ANKRD6: variants seen among roughly 807,000 people sequenced by gnomAD.
The protein encoded by ANKRD6 is ankyrin repeat domain-containing protein 6.
ANKRD6 carries 56 observed loss-of-function variants against 82.3 expected under a neutral mutation model. The ratio of observed to expected loss-of-function variants is 0.68; its 90% CI spans 0.55 to 0.85. The LOEUF (loss-of-function observed/expected upper bound fraction) is 0.85. Ranked by LOEUF, ANKRD6 falls within the 40% of genes least tolerant of loss-of-function variation. The pLI, the probability that ANKRD6 is intolerant of heterozygous loss-of-function variation, is 0.00. For synonymous variants in ANKRD6, 347 were observed against 352.1 expected (o/e 0.99, Z 0.16); for missense variants, 852 against 907.6 (o/e 0.94, Z 0.79).
chr6:89,618,251 G>A lies in ANKRD6; in HGVS notation c.792+220G>A, dbSNP rs566558709. ...GCCTGGGCCGCCTCATCTTCTCCCT[G>A]TGGCTGGATCTTTGTCACGGCCAGC... is the stretch of plus-strand genomic sequence containing the variant. On this transcript the variant is annotated intron_variant, in intron 9 of 15. Transcript: ENST00000339746. 1.9e-4 allele frequency: 132 copies of A among 687,562 alleles called. 4 individuals are homozygous for A. The South Asian group carries it at 2.0e-3, about 10-fold the overall frequency. The allele number at this position is 687,562 out of a possible 1,614,324, so 42.6% of individuals were successfully genotyped here.
At chr6:89,483,893 CCTCTCTCTCTCTGTCTCT>C (rs1207389838) in intron 1 of ANKRD6, among the ~76,000 whole-genome samples, 1 of 151,798 alleles carries the variant, frequency 6.6e-6, no homozygotes, top group Non-Finnish European at 1.5e-5. Flanking sequence ...CTGTAGTCCT[CCTCTCTCTCTCTGTCTCT>C]CTCTCTCTCT....
chr6:89,568,444 C>CT (rs1789034270), intron 2 of ANKRD6: 1 of 152,082 alleles, frequency 6.6e-6, no homozygotes, highest in Non-Finnish European at 1.5e-5. Flanking sequence ...TTATAAACAG[C>CT]TTTATTAAGA....
chr6:89,575,610 T>A (rs1394744676), intron 2 of ANKRD6, among the ~76,000 whole-genome samples: 1 of 152,112 alleles, frequency 6.6e-6, no homozygotes, highest in Non-Finnish European at 1.5e-5. Flanking sequence ...TAAAAAAAAA[T>A]AAGCGATTTC....
chr6:89,562,861 T>C (rs1308022193), intron 1 of ANKRD6: 5 of 152,202 alleles, frequency 3.3e-5, no homozygotes, highest in Admixed American at 2.0e-4. Context: ...ATCCAGAAAC[T>C]GAACACGATG....
chr6:89,481,784 T>G (rs1425774310), intron 1 of ANKRD6, among the ~76,000 whole-genome samples: 1 of 152,116 alleles, frequency 6.6e-6, no homozygotes, highest in Non-Finnish European at 1.5e-5. Flanking sequence ...GTGGTACTAT[T>G]GGCAGTGCTG....
intron 1 of ANKRD6, among the ~76,000 whole-genome samples, chr6:89,525,748 A>T (rs1782418607): frequency 6.6e-6 from 1 of 152,054 alleles, no homozygotes; most frequent in African/African-American, 2.4e-5. Flanking sequence ...CATATATCTC[A>T]TGTTCACTTT....
chr6:89,584,916 A>G (rs890816137), intron 2 of ANKRD6, among the ~76,000 whole-genome samples: 11 of 151,948 alleles, frequency 7.2e-5, no homozygotes, highest in African/African-American at 2.7e-4. Context: ...TGGCAGAGAG[A>G]GGGGTCTCTA....
At chr6:89,568,493 A>G (rs1211295484) in intron 2 of ANKRD6, among the ~76,000 whole-genome samples, 2 of 152,216 alleles carry the variant, frequency 1.3e-5, no homozygotes, top group Non-Finnish European at 2.9e-5. Context: ...TTTTAATTGT[A>G]CAATTCAATA....
chr6:89,539,984 CATT>C (rs1403857988), intron 1 of ANKRD6, among the ~76,000 whole-genome samples: 2 of 151,912 alleles, frequency 1.3e-5, no homozygotes, highest in African/African-American at 2.4e-5. Context: ...GACTGGATCT[CATT>C]ATTTTTTATG....
intron 4 of ANKRD6, among the ~76,000 whole-genome samples, chr6:89,603,597 C>A (rs961734114): frequency 6.6e-6 from 1 of 151,852 alleles, no homozygotes; most frequent in African/African-American, 2.4e-5. Context: ...AGGCCTGGGT[C>A]GGGGGGGTAA....
chr6:89,553,725 T>A (rs748827464), intron 1 of ANKRD6, among the ~76,000 whole-genome samples: 16 of 152,164 alleles, frequency 1.1e-4, no homozygotes, highest in Non-Finnish European at 1.8e-4. Context: ...AGCGTGCCTC[T>A]CGTCTCGCCC....
intron 1 of ANKRD6, among the ~76,000 whole-genome samples, chr6:89,446,127 C>T (rs780066301): frequency 1.3e-5 from 2 of 151,806 alleles, no homozygotes; most frequent in East Asian, 2.0e-4. Context: ...CCGAGGCAGG[C>T]GAATCACCTG....
Position 89,441,620 on chromosome 6 carries a change from CTTTTTTT to C in ANKRD6, c.-144+8266_-144+8272del, listed in dbSNP as rs71556522. On this transcript the variant is annotated intron_variant, in intron 1 of 15. Transcript: ENST00000339746. ...CATAGCCTTGGTTTTCTTTTCTTTC[CTTTTTTT>C]TTTTTTTTTTTTTTTTTTTTGAGAG... Among the ~76,000 whole-genome samples, 23 of 80,458 alleles carry C rather than the reference CTTTTTTT, an allele frequency of 2.9e-4. 1 individual carries two copies. The highest frequency in any genetic ancestry group is 1.7e-3 in the East Asian group (4 of 2,418). The allele number at this position is 80,458 out of a possible 152,430, so 52.8% of individuals were successfully genotyped here. A position where few individuals can be genotyped will look rare whatever the true frequency, so the allele number is the denominator to read the frequency against.
At chr6:89,579,001 G>C (rs1791812132) in intron 2 of ANKRD6, among the ~76,000 whole-genome samples, 2 of 152,194 alleles carry the variant, frequency 1.3e-5, no homozygotes, top group African/African-American at 4.8e-5. Context: ...GCTGTCTGCA[G>C]GGTGGCCCAA....
At chr6:89,586,365 G>A (rs1311158600) in intron 2 of ANKRD6, among the ~76,000 whole-genome samples, 3 of 152,142 alleles carry the variant, frequency 2.0e-5, no homozygotes, top group African/African-American at 4.8e-5. Context: ...TTGGCCTACC[G>A]TGCTGTGCTC....
At chr6:89,461,223 G>A in intron 1 of ANKRD6, among the ~76,000 whole-genome samples, 1 of 151,958 alleles carries the variant, frequency 6.6e-6, no homozygotes, top group East Asian at 1.9e-4. Context: ...TTGGTGTTTT[G>A]GAATTCAAAG....
chr6:89,526,064 GA>G (rs1370909402), intron 1 of ANKRD6, among the ~76,000 whole-genome samples: 3 of 152,330 alleles, frequency 2.0e-5, no homozygotes, highest in Admixed American at 2.0e-4. Flanking sequence ...GCCAAGCCCT[GA>G]ACCCTCTACC....
chr6:89,571,857 CA>C (rs1387326435), intron 2 of ANKRD6, among the ~76,000 whole-genome samples: 1 of 152,170 alleles, frequency 6.6e-6, no homozygotes, highest in Non-Finnish European at 1.5e-5. Flanking sequence ...GACATACATC[CA>C]CCAGTATAGT....
chr6:89,455,155 T>G (rs1210789447), intron 1 of ANKRD6, among the ~76,000 whole-genome samples: 1 of 151,824 alleles, frequency 6.6e-6, no homozygotes, highest in African/African-American at 2.4e-5. Flanking sequence ...GTGTGTGTTT[T>G]TTTTTTTTTT....
Sources: allele counts gnomAD v4.1 joint callset (sites outside exome capture counted in the v4.1 genomes callset), GRCh38; gene constraint gnomAD v4.1.1; transcripts MANE v1.5; gene names NCBI Gene and HGNC (gene_info 2026-07-23, HGNC 2026-07-21).